Variants in DMD observed in about 807,000 individuals in gnomAD.
The protein encoded by DMD is dystrophin.
In DMD, 63 loss-of-function variants were observed where a neutral mutation model predicts 330.1. The ratio of observed to expected loss-of-function variants is 0.19; its 90% confidence interval spans 0.16 to 0.24. The LOEUF (loss-of-function observed/expected upper bound fraction) is 0.24. Among genes scored for constraint, DMD ranks in the 10% least tolerant of loss-of-function variants. The pLI, the probability that DMD is intolerant of heterozygous loss-of-function variation, is 1.00. For missense variants in DMD, 3,344 were observed against 2,684.1 expected, an observed-to-expected ratio of 1.25 and a Z score of -5.43; for synonymous variants, 1,223 against 959.8, an observed-to-expected ratio of 1.27 and a Z score of -5.07.
intron 30 of DMD, among the ~76,000 whole-genome samples, chrX:32,400,522 C>T (rs762539436): frequency 4.5e-4 from 50 of 111,200 alleles, no homozygotes; most frequent in African/African-American, 1.5e-3. Context: ...GGAATAGTTT[C>T]AGAAGGAATG....
intron 60 of DMD, among the ~76,000 whole-genome samples, chrX:31,373,489 A>G (rs956778425): frequency 1.9e-5 from 2 of 103,414 alleles, no homozygotes; most frequent in Admixed American, 2.1e-4. Flanking sequence ...TCAATGGAAC[A>G]GAACAGAGCC....
chrX:31,241,866 T>C (rs1234123477), intron 63 of DMD, among the ~76,000 whole-genome samples: 2 of 111,873 alleles, frequency 1.8e-5, no homozygotes, highest in South Asian at 3.7e-4. Flanking sequence ...TTTAACAATG[T>C]TTTTCCCATT....
intron 1 of DMD, among the ~76,000 whole-genome samples, chrX:33,115,760 C>T (rs965364509): frequency 6.4e-5 from 7 of 109,840 alleles, no homozygotes; most frequent in African/African-American, 2.0e-4. Flanking sequence ...CGTGATCCGC[C>T]GGCCTCCCAA....
intron 2 of DMD, among the ~76,000 whole-genome samples, chrX:32,968,263 T>C (rs1157176719): frequency 2.9e-5 from 3 of 102,930 alleles, no homozygotes; most frequent in Non-Finnish European, 5.9e-5. Context: ...TTTTTTTTTT[T>C]CTGACAGTGA....
At chrX:32,944,750 G>T (rs929356560) in intron 2 of DMD, among the ~76,000 whole-genome samples, 2 of 109,256 alleles carry the variant, frequency 1.8e-5, no homozygotes, top group Non-Finnish European at 3.8e-5. Flanking sequence ...GATTACAGGC[G>T]CCTGCCATCA....
At chrX:32,500,807 G>A (rs1399401199) in intron 19 of DMD, among the ~76,000 whole-genome samples, 1 of 111,598 alleles carries the variant, frequency 9.0e-6, no homozygotes, top group African/African-American at 3.2e-5. Context: ...AGAAGAAAAT[G>A]AATTGATTTT....
intron 41 of DMD, among the ~76,000 whole-genome samples, chrX:32,329,251 G>A (rs760066266): frequency 1.8e-5 from 2 of 112,379 alleles, no homozygotes; most frequent in East Asian, 5.6e-4. Flanking sequence ...ATGTTCTAGA[G>A]CATGATGGTA....
chrX:32,254,010 C>T (rs750068161), intron 43 of DMD, among the ~76,000 whole-genome samples: 31 of 110,989 alleles, frequency 2.8e-4, no homozygotes, highest in African/African-American at 9.5e-4. Context: ...AAAATGAAAA[C>T]TCTTCTGCAA....
At chrX:31,683,999 A>T (rs1370512474) in intron 52 of DMD, among the ~76,000 whole-genome samples, 1 of 111,732 alleles carries the variant, frequency 8.9e-6, no homozygotes, top group Non-Finnish European at 1.9e-5. Flanking sequence ...AGACAGCGTT[A>T]AATAACTGGT....
chrX:32,596,597 T>C (rs767300034), intron 12 of DMD, among the ~76,000 whole-genome samples: 1 of 110,565 alleles, frequency 9.0e-6, no homozygotes, highest in South Asian at 3.9e-4. Context: ...CAGGGTGGAA[T>C]GCCAATGGCA....
chrX:32,808,511 G>T (rs940291249), intron 7 of DMD, among the ~76,000 whole-genome samples: 1 of 111,419 alleles, frequency 9.0e-6, no homozygotes, highest in Non-Finnish European at 1.9e-5. Flanking sequence ...AGGCTTCTGC[G>T]TCTGCAAAAC....
chrX:31,565,441 A>G (rs1300905132), intron 55 of DMD, among the ~76,000 whole-genome samples: 3 of 112,181 alleles, frequency 2.7e-5, no homozygotes, highest in Admixed American at 1.9e-4. Context: ...TTCTGTGGAG[A>G]TTGATCTAAA....
At chrX:33,112,179 T>C (rs1305733037) in intron 1 of DMD, among the ~76,000 whole-genome samples, 2 of 111,263 alleles carry the variant, frequency 1.8e-5, no homozygotes, top group Admixed American at 9.7e-5. Flanking sequence ...ACATAACTTT[T>C]ATCACAGTAT....
chrX:31,815,714 G>C (rs1371703050), intron 50 of DMD, among the ~76,000 whole-genome samples: 1 of 111,464 alleles, frequency 9.0e-6, no homozygotes, highest in Non-Finnish European at 1.9e-5. Context: ...ATGCGATGTG[G>C]CATCTCCTCC....
chrX:33,247,460 C>A (rs1271337398), intron 1 of DMD, among the ~76,000 whole-genome samples: 2 of 111,629 alleles, frequency 1.8e-5, no homozygotes, highest in East Asian at 5.6e-4. Flanking sequence ...ATATATTTAA[C>A]TTCTGTACTC....
intron 50 of DMD, among the ~76,000 whole-genome samples, chrX:31,791,620 TAC>T (rs1473503999): frequency 8.9e-6 from 1 of 112,290 alleles, no homozygotes; most frequent in Non-Finnish European, 1.9e-5. Flanking sequence ...ACCCCAAAAG[TAC>T]ACATTGTGTC....
intron 30 of DMD, among the ~76,000 whole-genome samples, chrX:32,400,378 T>C (rs1418663227): frequency 9.0e-6 from 1 of 111,499 alleles, no homozygotes; most frequent in Admixed American, 9.6e-5. Context: ...TATTGAGGAT[T>C]TTTTCATCAA....
chrX:32,720,208 T>G (rs898738006), intron 7 of DMD, among the ~76,000 whole-genome samples: 13 of 110,846 alleles, frequency 1.2e-4, no homozygotes, highest in Admixed American at 7.7e-4. Flanking sequence ...TTGTTACCTT[T>G]TCTAATTTTT....
intron 2 of DMD, among the ~76,000 whole-genome samples, chrX:32,870,160 C>T (rs2082836528): frequency 9.0e-6 from 1 of 111,441 alleles, no homozygotes; most frequent in Non-Finnish European, 1.9e-5. Flanking sequence ...GACAGAGAGC[C>T]AAATCATGTA....
Sources: gnomAD v4.1 joint callset for allele counts (sites outside exome capture counted in the v4.1 genomes callset) on GRCh38, gnomAD v4.1.1 for gene constraint, MANE v1.5 for transcripts, NCBI Gene and HGNC (gene_info 2026-07-23, HGNC 2026-07-21) for gene names.